SIAH2: variants seen among roughly 807,000 people sequenced by gnomAD.
SIAH2 encodes the protein E3 ubiquitin-protein ligase SIAH2.
Under a neutral mutation model 20.4 loss-of-function variants are expected in SIAH2, and 4 were observed. The observed-to-expected ratio is 0.20, with a 90% CI of 0.10 to 0.45. The LOEUF (loss-of-function observed/expected upper bound fraction) is 0.45. SIAH2 is among the 20% of genes least tolerant of loss of function. The pLI is 0.99. For synonymous variants in SIAH2, 171 were observed against 192.5 expected, an observed-to-expected ratio of 0.89 and a Z score of 0.93; for missense variants, 259 against 440.3, an observed-to-expected ratio of 0.59 and a Z score of 3.69.
chr3:150,758,153 T>C (rs1433109207), intron 1 of SIAH2, among the ~76,000 whole-genome samples: 3 of 152,236 alleles, frequency 2.0e-5, no homozygotes, highest in African/African-American at 4.8e-5. Flanking sequence ...CTTGGTTTTA[T>C]GTTATTTTTT....
intron 1 of SIAH2, among the ~76,000 whole-genome samples, chr3:150,760,842 A>C (rs576591126): frequency 5.3e-5 from 8 of 152,220 alleles, no homozygotes; most frequent in African/African-American, 1.9e-4. Flanking sequence ...TTTTCCAACC[A>C]CTAGGTTGTC....
intron 1 of SIAH2, among the ~76,000 whole-genome samples, chr3:150,751,291 G>A (rs757998236): frequency 5.9e-5 from 9 of 152,072 alleles, no homozygotes; most frequent in South Asian, 2.1e-4. Flanking sequence ...GAAATTAGCC[G>A]GGCGTGGCAG....
chr3:150,744,865 C>A (rs915374917), intron 1 of SIAH2, among the ~76,000 whole-genome samples: 2 of 152,148 alleles, frequency 1.3e-5, no homozygotes, highest in African/African-American at 4.8e-5. Context: ...ACTTGGCAAT[C>A]ATTTTATAAC....
At chr3:150,747,932 C>G (rs925979497) in intron 1 of SIAH2, among the ~76,000 whole-genome samples, 4 of 141,878 alleles carry the variant, frequency 2.8e-5, no homozygotes, top group African/African-American at 1.1e-4. Context: ...CCACTGCACT[C>G]CAGTCTGGGC....
intron 1 of SIAH2, among the ~76,000 whole-genome samples, chr3:150,760,962 T>A (rs1480597242): frequency 2.0e-5 from 3 of 152,254 alleles, no homozygotes; most frequent in African/African-American, 4.8e-5. Context: ...CAGCAATTTA[T>A]TAAGGTTGCC....
intron 1 of SIAH2, among the ~76,000 whole-genome samples, chr3:150,743,408 G>C (rs1161505575): frequency 6.6e-6 from 1 of 152,216 alleles, no homozygotes; most frequent in African/African-American, 2.4e-5. Context: ...TAACTCAGAA[G>C]ACTACTGGTC....
At position 150,762,860 on chromosome 3, in the gene SIAH2, A is replaced by G. The variant is rs2108128849; in HGVS notation, c.-11T>C. The G allele has an allele frequency of 6.7e-6, 8 of 1,198,746 alleles. No individual in the cohort carries two copies. Among genetic ancestry groups the G allele is most frequent in the Non-Finnish European group, 8.4e-6 (8 of 953,430 alleles). 74.3% of individuals were successfully genotyped at this position (1,198,746 alleles called of 1,614,324 possible). On this transcript the variant is annotated 5_prime_UTR_variant, in exon 1 of 2. Coordinates refer to ENST00000312960, the MANE Select transcript of SIAH2 (RefSeq NM_005067.7). The surrounding 1 kb of genome is among the most constrained non-coding windows in gnomAD (Gnocchi z 6.6). ...GGACGGGCGGCTCATCGCGCTCCGA[A>G]CCAACCATGGAACTGCGGGCGCCTG...
rs1714393117 is a variant in SIAH2, at chr3:150,752,492, C to G, written c.418-9794G>C. ...GGCGTGATGGCATGAGCCTGAAATG[C>G]CAGCTAATCGGGAGGCTGAGGCATG... On this transcript the variant is annotated intron_variant, in intron 1 of 1. Coordinates refer to ENST00000312960, the MANE Select transcript of SIAH2 (RefSeq NM_005067.7). 2.0e-5 allele frequency among the ~76,000 whole-genome samples: 3 copies of G among 152,192 alleles called. No individual in the cohort carries two copies. The South Asian group carries it at 6.2e-4, about 32-fold the overall frequency.
chr3:150,762,647 G>A lies in SIAH2; in HGVS notation c.203C>T (p.Ser68Phe). The A allele has an allele frequency of 1.4e-5, 22 of 1,558,310 alleles. No individual in the cohort carries two copies. The highest frequency in any genetic ancestry group is 1.9e-5 in the Non-Finnish European group (22 of 1,157,068). ...PGGGGGAGPVSPQHHELTSLF... is the reference protein window; with the variant it reads ...PGGGGGAGPVFPQHHELTSLF... ...CGAGGTCAGCTCGTGGTGCTGCGGG[G>A]ACACCGGGCCGGCCCCGCCGCCGCC... is the stretch of plus-strand genomic sequence containing the variant. Residue 68 changes from serine (S) to phenylalanine (F), a missense_variant, in exon 1 of 2, where the codon TCC becomes TTC. Physicochemically the swap from Ser to Phe is radical, Grantham distance 155. This residue lies in a region of SIAH2 where 99 missense variants were observed against 112.7 expected (regional missense o/e 0.88). Transcript: ENST00000312960. The surrounding 1 kb of genome is among the most constrained non-coding windows in gnomAD (Gnocchi z 6.6).
rs112528632 is a variant in SIAH2, at chr3:150,744,013, TA to T, written c.418-1316del. 4.9e-3 allele frequency among the ~76,000 whole-genome samples: 663 copies of T among 134,106 alleles called. 2 individuals carry two copies. The highest frequency in any genetic ancestry group is 5.5e-3 in the East Asian group (26 of 4,732). The allele number at this position is 134,106 out of a possible 152,430, so 88.0% of individuals were successfully genotyped here. On this transcript the variant is annotated intron_variant, in intron 1 of 1. Transcript: ENST00000312960. ...TTTCTAAGATGCTATGTCCAGTTGC[TA>T]AAAAAAAAAAAAAGCACCACTGCTG...
intron 1 of SIAH2, among the ~76,000 whole-genome samples, chr3:150,753,952 G>T (rs898304585): frequency 1.3e-5 from 2 of 152,082 alleles, no homozygotes; most frequent in Non-Finnish European, 2.9e-5. Context: ...TAAGAAAAGA[G>T]AATTTAAATG....
In SIAH2 at chr3:150,742,293, T is replaced by A; in HGVS notation, c.823A>T (p.Thr275Ser). The change falls in exon 2 of 2, where the codon ACC becomes TCC. Residue 275 changes from threonine to serine, a missense_variant. Thr to Ser is a moderately conservative substitution (Grantham distance 58). This residue lies in a region of SIAH2 where 160 missense variants were observed against 327.6 expected (regional missense o/e 0.49). Coordinates refer to ENST00000312960, the MANE Select transcript of SIAH2 (RefSeq NM_005067.7). This position sits in a 1 kb window ranked among gnomAD's most constrained non-coding sequence, Gnocchi z 4.8. The stretch of plus-strand genomic sequence containing the variant: ...ATCGAACGGGGCGTGGCCTCCCAGG[T>A]CAATCTCCGCCGGTTCCCATTCAAC... ...LELNGNRRRL[T>S]WEATPRSIHD... 1 of 1,614,070 alleles carries A rather than the reference T, an allele frequency of 6.2e-7. No individual in the cohort carries two copies. Among genetic ancestry groups the A allele is most frequent in the Non-Finnish European group, 8.5e-7 (1 of 1,180,034 alleles).
intron 1 of SIAH2, among the ~76,000 whole-genome samples, chr3:150,759,844 T>C (rs1714566000): frequency 6.6e-6 from 1 of 152,174 alleles, no homozygotes; most frequent in African/African-American, 2.4e-5. Context: ...CATCTCTCAT[T>C]TGTATAGATG....
chr3:150,761,616 C>A (rs993908160), intron 1 of SIAH2, among the ~76,000 whole-genome samples: 1 of 151,932 alleles, frequency 6.6e-6, no homozygotes, highest in African/African-American at 2.4e-5. Context: ...ACACACTAAA[C>A]CTAACAATGG....
intron 1 of SIAH2, among the ~76,000 whole-genome samples, chr3:150,756,461 T>C (rs1224458523): frequency 6.6e-6 from 1 of 152,240 alleles, no homozygotes; most frequent in African/African-American, 2.4e-5. Flanking sequence ...GAAGCCTCAC[T>C]ATATTCATGT....
chr3:150,746,566 TC>T (rs1388793297), intron 1 of SIAH2, among the ~76,000 whole-genome samples: 1 of 152,154 alleles, frequency 6.6e-6, no homozygotes, highest in Non-Finnish European at 1.5e-5. Flanking sequence ...TTTAGCAGCA[TC>T]CGTGGTCTCT....
rs1714668920 is a variant in SIAH2, at chr3:150,763,157, C to G, written c.-308G>C. The stretch of plus-strand genomic sequence containing the variant: ...CTGGCCCACCCGCTTCTGGAACAGC[C>G]GCTGACGCAAGCCCCGGGGGCGCGC... On this transcript the variant is annotated 5_prime_UTR_variant, in exon 1 of 2. Transcript: ENST00000312960. This position sits in a 1 kb window ranked among gnomAD's most constrained non-coding sequence, Gnocchi z 4.1. 2 of 154,504 alleles carry G rather than the reference C, an allele frequency of 1.3e-5. No homozygotes were observed. Among genetic ancestry groups the G allele is most frequent in the African/African-American group, 4.8e-5 (2 of 41,394 alleles). 9.6% of individuals were successfully genotyped at this position (154,504 alleles called of 1,614,324 possible).
rs1491209324 is a variant in SIAH2 at position 150,745,277 on chromosome 3, A to ACACACACC, written c.418-2580_418-2579insGGTGTGTG. Among the ~76,000 whole-genome samples the ACACACACC allele has an allele frequency of 1.3e-4, 17 of 129,036 alleles. 1 individual carries two copies. In the East Asian group the frequency reaches 1.4e-3, roughly 10 times the overall value. The allele number at this position is 129,036 out of a possible 152,430, so 84.7% of individuals were successfully genotyped here. On this transcript the variant is annotated intron_variant, in intron 1 of 1. Transcript: ENST00000312960. ...CACACACACACACACACACACACAC[A>ACACACACC]CCCCACATTTCATACTTCAAGCAGT...
chr3:150,742,443 A>C lies in SIAH2; in HGVS notation c.673T>G (p.Phe225Val), dbSNP rs768442323. 6.2e-7 allele frequency: 1 copy of C among 1,614,164 alleles called. No individual in the cohort carries two copies. The highest frequency in any genetic ancestry group is 1.1e-5 in the South Asian group (1 of 91,074). ...AVDWVMMQSC[F>V]GHHFMLVLEK... ...AGCACCAGCATGAAGTGATGGCCAA[A>C]ACATGACTGCATCATCACCCAGTCG... The change falls in exon 2 of 2, where the codon TTT becomes GTT. Residue 225 changes from phenylalanine to valine, a missense_variant. By Grantham distance (50) the Phe-to-Val change is conservative. Around this residue, in one of 2 missense-constraint regions of SIAH2, gnomAD observed 160 missense variants for 327.6 expected, o/e 0.49. Coordinates refer to ENST00000312960, the MANE Select transcript of SIAH2 (RefSeq NM_005067.7). This position sits in a 1 kb window ranked among gnomAD's most constrained non-coding sequence, Gnocchi z 4.8.
Sources: allele counts gnomAD v4.1 joint callset (sites outside exome capture counted in the v4.1 genomes callset), GRCh38; gene constraint gnomAD v4.1.1; regional missense constraint gnomAD v4.1.1; non-coding constraint Gnocchi (gnomAD v3.1); transcripts MANE v1.5; gene names NCBI Gene and HGNC (gene_info 2026-07-23, HGNC 2026-07-21).